The following NRXN1 variants were observed in gnomAD, a reference collection of about 807,000 sequenced individuals.
The protein encoded by NRXN1 is neurexin-1.
In NRXN1, 39 loss-of-function variants were observed where a neutral mutation model predicts 150.9. The observed-to-expected ratio is 0.26, with a 90% CI of 0.20 to 0.34. NRXN1 has a LOEUF of 0.34. NRXN1 is among the 10% of genes least tolerant of loss of function. The pLI, the probability that NRXN1 is intolerant of heterozygous loss-of-function variation, is 1.00. For missense variants in NRXN1, 1,815 were observed against 1,949.9 expected, an observed-to-expected ratio of 0.93 and a Z score of 1.30; for synonymous variants, 924 against 757.0, an observed-to-expected ratio of 1.22 and a Z score of -3.62.
intron 17 of NRXN1, among the ~76,000 whole-genome samples, chr2:50,274,126 G>A (rs566303346): frequency 1.5e-4 from 23 of 152,190 alleles, no homozygotes; most frequent in African/African-American, 2.2e-4. Context: ...GGCACCAACC[G>A]AAATGTCCAT....
chr2:50,226,798 C>T (rs113663594), intron 18 of NRXN1, among the ~76,000 whole-genome samples: 2,788 of 152,008 alleles, frequency 0.018, 38 homozygotes, highest in Non-Finnish European at 0.028. Flanking sequence ...TCTAACCCCC[C>T]CAAAACACAT....
rs769455734 is a variant in NRXN1, at chr2:50,357,970, C to A, written c.3364+107472G>T. Among the ~76,000 whole-genome samples, 219 of 152,200 alleles carry A rather than the reference C, an allele frequency of 1.4e-3. 1 individual carries two copies. Among genetic ancestry groups the A allele is most frequent in the South Asian group, 7.7e-3 (37 of 4,816 alleles). On this transcript the variant is annotated intron_variant, in intron 17 of 22. Coordinates refer to ENST00000401669, the MANE Select transcript of NRXN1 (RefSeq NM_001330078.2). ...GGGGCGTCACATGACCCAGGAAGCACAAGGAGATGGGGAACTCCCTCTCCT... is the reference window on the plus strand; with the variant it reads ...GGGGCGTCACATGACCCAGGAAGCAAAAGGAGATGGGGAACTCCCTCTCCT...
At chr2:50,057,178 C>T (rs976411291) in intron 19 of NRXN1, among the ~76,000 whole-genome samples, 1 of 152,144 alleles carries the variant, frequency 6.6e-6, no homozygotes, top group Non-Finnish European at 1.5e-5. Context: ...GTAAGTACTT[C>T]CACAATCTGG....
chr2:50,199,669 G>T (rs2062024066), intron 18 of NRXN1, among the ~76,000 whole-genome samples: 1 of 151,918 alleles, frequency 6.6e-6, no homozygotes, highest in Non-Finnish European at 1.5e-5. Flanking sequence ...TGAAGGATTT[G>T]TCAGTGAATT....
intron 19 of NRXN1, among the ~76,000 whole-genome samples, chr2:50,089,786 CAA>C (rs5831081): frequency 1.3e-3 from 167 of 127,066 alleles, no homozygotes; most frequent in African/African-American, 1.9e-3. Flanking sequence ...GACCTTGCTT[CAA>C]AAAAAAAAAA....
intron 17 of NRXN1, among the ~76,000 whole-genome samples, chr2:50,438,834 GAAA>G (rs2085675818): frequency 6.6e-6 from 1 of 152,112 alleles, no homozygotes; most frequent in African/African-American, 2.4e-5. Flanking sequence ...TAACAGTAAG[GAAA>G]AATATAGAAA....
At chr2:50,963,417 C>T (rs183141671) in intron 2 of NRXN1, among the ~76,000 whole-genome samples, 13 of 151,710 alleles carry the variant, frequency 8.6e-5, no homozygotes, top group South Asian at 4.1e-4. Flanking sequence ...AAATGGACAA[C>T]GAGGAAAACT....
At chr2:50,639,227 T>TTC (rs1559058956) in intron 5 of NRXN1, among the ~76,000 whole-genome samples, 44 of 150,090 alleles carry the variant, frequency 2.9e-4, no homozygotes, top group African/African-American at 9.8e-4. Context: ...TCTTTCTTTT[T>TTC]TTTTTTTTTT....
At chr2:50,455,777 G>A (rs1005028848) in intron 17 of NRXN1, among the ~76,000 whole-genome samples, 12 of 152,206 alleles carry the variant, frequency 7.9e-5, no homozygotes, top group African/African-American at 2.9e-4. Context: ...CTGGATCCTT[G>A]GTATTGGATT....
chr2:50,640,674 G>C (rs1012125865), intron 5 of NRXN1, among the ~76,000 whole-genome samples: 8 of 152,146 alleles, frequency 5.3e-5, no homozygotes, highest in African/African-American at 1.7e-4. Context: ...CTTTGCAAAG[G>C]AAATATCATC....
intron 5 of NRXN1, among the ~76,000 whole-genome samples, chr2:50,662,883 A>C (rs925037082): frequency 1.3e-5 from 2 of 151,926 alleles, no homozygotes; most frequent in Non-Finnish European, 2.9e-5. Flanking sequence ...ACAGAATAAA[A>C]CTTCTCTAGA....
chr2:50,535,626 C>T (rs967709743), intron 10 of NRXN1, among the ~76,000 whole-genome samples: 1 of 152,148 alleles, frequency 6.6e-6, no homozygotes, highest in East Asian at 1.9e-4. Context: ...AAAAATAAAG[C>T]AGAAGGGAAG....
intron 5 of NRXN1, among the ~76,000 whole-genome samples, chr2:50,905,940 T>C (rs188766799): frequency 6.6e-6 from 1 of 152,116 alleles, no homozygotes; most frequent in Non-Finnish European, 1.5e-5. Context: ...TTAGACAGTC[T>C]ATTAAATGTT....
intron 18 of NRXN1, among the ~76,000 whole-genome samples, chr2:50,227,783 G>T (rs1422245731): frequency 6.6e-6 from 1 of 152,008 alleles, no homozygotes; most frequent in South Asian, 2.1e-4. Flanking sequence ...TAAAAAGCAA[G>T]CAGATACCTT....
chr2:50,344,388 A>C (rs75637994), intron 17 of NRXN1, among the ~76,000 whole-genome samples: 2,198 of 152,264 alleles, frequency 0.014, 144 homozygotes, highest in Admixed American at 0.11. Context: ...CCTCTGATTG[A>C]AAAAAACAAA....
chr2:50,499,004 G>T (rs1473113177), intron 13 of NRXN1, among the ~76,000 whole-genome samples: 1 of 152,176 alleles, frequency 6.6e-6, no homozygotes, highest in African/African-American at 2.4e-5. Flanking sequence ...TTCCCCAGGG[G>T]TAATGAAGAC....
At chr2:50,587,234 C>T (rs1673298247) in intron 8 of NRXN1, among the ~76,000 whole-genome samples, 2 of 152,296 alleles carry the variant, frequency 1.3e-5, no homozygotes, top group Non-Finnish European at 2.9e-5. Context: ...CCTGTAATCC[C>T]AACTCTTTGG....
intron 17 of NRXN1, among the ~76,000 whole-genome samples, chr2:50,287,274 T>C (rs1161026653): frequency 2.0e-5 from 3 of 152,102 alleles, no homozygotes; most frequent in Non-Finnish European, 2.9e-5. Context: ...TCTTTCTACA[T>C]TCTTCTTCTC....
intron 5 of NRXN1, among the ~76,000 whole-genome samples, chr2:50,834,095 A>C (rs1422194377): frequency 6.6e-6 from 1 of 152,186 alleles, no homozygotes; most frequent in Non-Finnish European, 1.5e-5. Flanking sequence ...ACAGTAATTG[A>C]CCTAATTGGC....
Sources: gnomAD v4.1 joint callset for allele counts (sites outside exome capture counted in the v4.1 genomes callset) on GRCh38, gnomAD v4.1.1 for gene constraint, MANE v1.5 for transcripts, NCBI Gene and HGNC (gene_info 2026-07-23, HGNC 2026-07-21) for gene names.